The following SLC25A21 variants were observed in gnomAD, a reference collection of about 807,000 sequenced individuals.
SLC25A21 encodes the protein solute carrier family 25 member 21.
SLC25A21 carries 47 observed loss-of-function variants against 43.8 expected under a neutral mutation model. The observed-to-expected ratio is 1.07, with a 90% CI of 0.85 to 1.37. SLC25A21 has a LOEUF of 1.37. SLC25A21 is among the 40% of genes most tolerant of loss of function. The pLI is 0.00. For missense variants in SLC25A21, 352 were observed against 350.2 expected (o/e 1.00, Z -0.04); for synonymous variants, 131 against 121.3 (o/e 1.08, Z -0.52).
chr14:36,942,094 A>G (rs1036990743), intron 1 of SLC25A21, among the ~76,000 whole-genome samples: 2 of 152,158 alleles, frequency 1.3e-5, no homozygotes, highest in East Asian at 1.9e-4. Flanking sequence ...TTAATTTTCA[A>G]TTAGTTAGAC....
chr14:36,940,201 T>G (rs545905840), intron 1 of SLC25A21, among the ~76,000 whole-genome samples: 3 of 152,264 alleles, frequency 2.0e-5, no homozygotes, highest in Non-Finnish European at 4.4e-5. Context: ...ACATTACTTT[T>G]CCATATAACT....
intron 1 of SLC25A21, among the ~76,000 whole-genome samples, chr14:37,037,240 A>G (rs1961347042): frequency 6.6e-6 from 1 of 152,054 alleles, no homozygotes; most frequent in Non-Finnish European, 1.5e-5. Flanking sequence ...TCCACTCCAA[A>G]TCCCCTTCCT....
intron 3 of SLC25A21, among the ~76,000 whole-genome samples, chr14:36,804,753 C>T (rs1001543085): frequency 5.3e-5 from 8 of 152,144 alleles, no homozygotes; most frequent in Non-Finnish European, 1.0e-4. Context: ...ACCTTGTCTA[C>T]GTCAAATCAT....
chr14:36,719,221 T>C (rs957362891), intron 6 of SLC25A21, among the ~76,000 whole-genome samples: 11 of 152,220 alleles, frequency 7.2e-5, no homozygotes, highest in Non-Finnish European at 1.5e-4. Context: ...GCACAACTGA[T>C]AGGGGACTTC....
chr14:37,093,270 A>G (rs1962623608), intron 1 of SLC25A21, among the ~76,000 whole-genome samples: 2 of 152,228 alleles, frequency 1.3e-5, no homozygotes, highest in Admixed American at 1.3e-4. Flanking sequence ...AAATAAAATT[A>G]CAAATATAAC....
intron 3 of SLC25A21, among the ~76,000 whole-genome samples, chr14:36,775,322 T>A (rs890498257): frequency 5.3e-5 from 8 of 152,226 alleles, no homozygotes; most frequent in African/African-American, 1.9e-4. Context: ...TTCACTCTTA[T>A]GAGCTACACA....
At chr14:36,805,600 A>T (rs887648906) in intron 3 of SLC25A21, among the ~76,000 whole-genome samples, 1 of 152,200 alleles carries the variant, frequency 6.6e-6, no homozygotes, top group Non-Finnish European at 1.5e-5. Context: ...TAAGATAGAA[A>T]TGCCAAATAA....
chr14:36,700,252 T>G (rs1208402403), intron 7 of SLC25A21, among the ~76,000 whole-genome samples: 1 of 152,184 alleles, frequency 6.6e-6, no homozygotes, highest in East Asian at 1.9e-4. Context: ...ATCCCCTTCT[T>G]CCAACAAATC....
intron 1 of SLC25A21, among the ~76,000 whole-genome samples, chr14:37,083,432 G>A (rs990630420): frequency 6.6e-6 from 1 of 152,012 alleles, no homozygotes; most frequent in Non-Finnish European, 1.5e-5. Flanking sequence ...AATAACACAC[G>A]TTCAGTGACT....
chr14:36,818,059 A>G (rs1477968513), intron 2 of SLC25A21, among the ~76,000 whole-genome samples: 1 of 152,230 alleles, frequency 6.6e-6, no homozygotes, highest in Non-Finnish European at 1.5e-5. Context: ...TGCCTTGTAG[A>G]AGCTTTCAGT....
chr14:37,128,544 G>GTGTGTGTA lies in SLC25A21; in HGVS notation c.70+43736_70+43737insTACACACA, dbSNP rs1325723160. Among the ~76,000 whole-genome samples, 98 of 132,766 alleles carry GTGTGTGTA rather than the reference G, an allele frequency of 7.4e-4. 2 individuals are homozygous for GTGTGTGTA. The East Asian group carries it at 0.019, about 26-fold the overall frequency. 87.1% of individuals were successfully genotyped at this position (132,766 alleles called of 152,430 possible). A position where few individuals can be genotyped will look rare whatever the true frequency, so the allele number is the denominator to read the frequency against. ...TGTCTCTCTCTCTCTCTCTCTGTGT[G>GTGTGTGTA]TGTGTGTGTGTGTGTGTGTGTGTGT... On this transcript the variant is annotated intron_variant, in intron 1 of 9. Transcript: ENST00000331299.
intron 3 of SLC25A21, among the ~76,000 whole-genome samples, chr14:36,748,551 T>C (rs74871047): frequency 0.012 from 1,785 of 152,310 alleles, 34 homozygotes; most frequent in African/African-American, 0.039. Flanking sequence ...ACCACATTAT[T>C]ATCAATGAAT....
intron 1 of SLC25A21, among the ~76,000 whole-genome samples, chr14:37,001,263 G>T (rs1385361233): frequency 1.3e-5 from 2 of 152,162 alleles, no homozygotes; most frequent in Non-Finnish European, 2.9e-5. Flanking sequence ...CTAAATGAGT[G>T]AATTACTAGC....
chr14:36,996,271 C>T (rs773096053), intron 1 of SLC25A21, among the ~76,000 whole-genome samples: 36 of 152,138 alleles, frequency 2.4e-4, no homozygotes, highest in Non-Finnish European at 1.6e-4. Flanking sequence ...GTTCTCTGTG[C>T]TTCACTTGAT....
intron 1 of SLC25A21, among the ~76,000 whole-genome samples, chr14:36,948,793 A>ATTAATATTTTAAATTAAATATTATG (rs1329079138): frequency 6.6e-6 from 1 of 152,120 alleles, no homozygotes; most frequent in Admixed American, 6.6e-5. Context: ...AAAAGACCTC[A>ATTAATATTTTAAATTAAATATTATG]TTAATATTTT....
intron 1 of SLC25A21, among the ~76,000 whole-genome samples, chr14:37,059,425 C>A (rs1458326412): frequency 6.6e-6 from 1 of 152,194 alleles, no homozygotes; most frequent in Non-Finnish European, 1.5e-5. Flanking sequence ...TTGCATGATA[C>A]CACCTTTCAT....
intron 1 of SLC25A21, among the ~76,000 whole-genome samples, chr14:37,051,430 T>C (rs1400336187): frequency 6.6e-6 from 1 of 152,156 alleles, no homozygotes; most frequent in African/African-American, 2.4e-5. Context: ...ATACTAGAAA[T>C]AGCCTATCAT....
At chr14:36,922,660 A>C (rs1228663134) in intron 1 of SLC25A21, among the ~76,000 whole-genome samples, 1 of 152,020 alleles carries the variant, frequency 6.6e-6, no homozygotes, top group African/African-American at 2.4e-5. Context: ...ATGCTGGGAG[A>C]TGTTCATGTG....
rs187898311 is a variant in SLC25A21 at position 36,688,463 on chromosome 14, G to A, written c.604-3538C>T. Among the ~76,000 whole-genome samples the A allele has an allele frequency of 5.9e-5, 9 of 152,356 alleles. No individual in the cohort carries two copies. In the East Asian group the frequency reaches 1.7e-3, roughly 29 times the overall value. ...TGCTAAATAAACCAAGATGCTCGGA[G>A]CTGAAGAAAGCAAGTTGAGTGGGGC... On this transcript the variant is annotated intron_variant, in intron 7 of 9. Transcript: ENST00000331299.
Sources: allele counts gnomAD v4.1 joint callset (sites outside exome capture counted in the v4.1 genomes callset), GRCh38; gene constraint gnomAD v4.1.1; transcripts MANE v1.5; gene names NCBI Gene and HGNC (gene_info 2026-07-23, HGNC 2026-07-21).